The following LMX1B variants were observed in gnomAD, a reference collection of about 807,000 sequenced individuals.
LMX1B encodes the protein LIM homeobox transcription factor 1 beta.
LMX1B carries 12 observed loss-of-function variants against 51.4 expected under a neutral mutation model. That is an observed-to-expected ratio of 0.23 (90% CI 0.15 to 0.38). LMX1B has a LOEUF of 0.38. LMX1B is among the 10% of genes least tolerant of loss of function. LMX1B has a pLI of 1.00. For synonymous variants in LMX1B, 237 were observed against 235.4 expected (o/e 1.01, Z -0.06); for missense variants, 445 against 571.1 (o/e 0.78, Z 2.25).
At chr9:126,617,366 C>T (rs1835322775) in intron 2 of LMX1B, among the ~76,000 whole-genome samples, 1 of 151,854 alleles carries the variant, frequency 6.6e-6, no homozygotes, top group Admixed American at 6.6e-5. Context: ...TAAAACCGGC[C>T]TCCAAATCAT....
intron 2 of LMX1B, among the ~76,000 whole-genome samples, chr9:126,689,990 AT>A (rs1424812040): frequency 6.6e-6 from 1 of 152,084 alleles, no homozygotes; most frequent in Non-Finnish European, 1.5e-5. Flanking sequence ...CGTGATGGAG[AT>A]GCGTAAGCTG....
chr9:126,692,577 C>T (rs548874384), intron 3 of LMX1B, among the ~76,000 whole-genome samples: 2 of 152,332 alleles, frequency 1.3e-5, no homozygotes, highest in South Asian at 2.1e-4. Context: ...GTGAGTTGCA[C>T]GCGTGAGGGC....
intron 2 of LMX1B, among the ~76,000 whole-genome samples, chr9:126,666,622 C>T (rs1048332702): frequency 2.0e-5 from 3 of 152,184 alleles, no homozygotes; most frequent in Admixed American, 6.5e-5. Flanking sequence ...GCTTTACGTA[C>T]GTGCTTTACG....
At position 126,695,469 on chromosome 9, in the gene LMX1B, CG is replaced by C. The variant is rs66878557; in HGVS notation, c.887-365del. Among the ~76,000 whole-genome samples the C allele has an allele frequency of 0.24, 36,353 of 152,090 alleles. 5,237 individuals carry two copies. Among genetic ancestry groups the C allele is most frequent in the Middle Eastern group, 0.39 (114 of 294 alleles). Reference sequence around the variant, plus strand: ...GCTAGTTCTTTAAGTCACATCAGGGCGGGGGCCCTTTCCTCCAGGAAGTCTT... The same window carrying C: ...GCTAGTTCTTTAAGTCACATCAGGGCGGGGCCCTTTCCTCCAGGAAGTCTT... On this transcript the variant is annotated intron_variant, in intron 6 of 7. Coordinates refer to ENST00000373474, the MANE Select transcript of LMX1B (RefSeq NM_001174147.2). This position sits in a 1 kb window ranked among gnomAD's most constrained non-coding sequence, Gnocchi z 5.2.
rs544036735 is a variant in LMX1B at position 126,618,048 on chromosome 9, A to G, written c.326+2479A>G. On this transcript the variant is annotated intron_variant, in intron 2 of 7. Coordinates refer to ENST00000373474, the MANE Select transcript of LMX1B (RefSeq NM_001174147.2). The surrounding 1 kb of genome is among the most constrained non-coding windows in gnomAD (Gnocchi z 4.5). ...TTGCACAATAAAAATTTTTTTATTC[A>G]CATTTCTTTTTTTCTTTGAGAATTG... Among the ~76,000 whole-genome samples the G allele has an allele frequency of 1.5e-4, 23 of 152,274 alleles. No individual in the cohort carries two copies. The highest frequency in any genetic ancestry group is 5.1e-4 in the African/African-American group (21 of 41,558).
chr9:126,676,785 G>T (rs1836572667), intron 2 of LMX1B, among the ~76,000 whole-genome samples: 1 of 152,202 alleles, frequency 6.6e-6, no homozygotes, highest in African/African-American at 2.4e-5. Flanking sequence ...GATCCCCATA[G>T]GGAGGACTTG....
In LMX1B at chr9:126,661,701, G is replaced by A. The variant is rs187064391; in HGVS notation, c.327-29135G>A. On this transcript the variant is annotated intron_variant, in intron 2 of 7. Coordinates refer to ENST00000373474, the MANE Select transcript of LMX1B (RefSeq NM_001174147.2). ...ACCTGCCAGCCTGCAGTGTGGCTGC[G>A]GGGCCCGAGTTGAGCAGGCACCTGA... Among the ~76,000 whole-genome samples, 520 of 152,020 alleles carry A rather than the reference G, an allele frequency of 3.4e-3. 4 individuals carry two copies. Among genetic ancestry groups the A allele is most frequent in the African/African-American group, 0.011 (465 of 41,504 alleles).
At chr9:126,682,595 C>T (rs1329445217) in intron 2 of LMX1B, among the ~76,000 whole-genome samples, 1 of 152,132 alleles carries the variant, frequency 6.6e-6, no homozygotes, top group African/African-American at 2.4e-5. Flanking sequence ...ACATAGTAGA[C>T]GCTAAAGAAA....
intron 2 of LMX1B, among the ~76,000 whole-genome samples, chr9:126,617,092 A>C (rs1292290605): frequency 1.3e-5 from 2 of 152,182 alleles, no homozygotes; most frequent in Non-Finnish European, 2.9e-5. Flanking sequence ...GGAGAGGGAG[A>C]CGCCAGTCCG....
intron 2 of LMX1B, among the ~76,000 whole-genome samples, chr9:126,616,037 G>C (rs1165557444): frequency 1.3e-5 from 2 of 152,224 alleles, no homozygotes; most frequent in Admixed American, 6.5e-5. Context: ...AACGGCCTGA[G>C]CGGCAAGGGA....
intron 2 of LMX1B, among the ~76,000 whole-genome samples, chr9:126,617,972 G>GAGAT (rs1178585931): frequency 1.3e-5 from 2 of 152,104 alleles, no homozygotes; most frequent in African/African-American, 2.4e-5. Flanking sequence ...GTTTCACAGG[G>GAGAT]AGATGGAGCG....
intron 2 of LMX1B, among the ~76,000 whole-genome samples, chr9:126,653,280 G>A (rs55905581): frequency 0.13 from 18,761 of 147,812 alleles, 1,474 homozygotes; most frequent in Middle Eastern, 0.26. Flanking sequence ...AGCTACCCCC[G>A]ATGAGCTGGG....
rs1472831313 is a variant in LMX1B, at chr9:126,614,146, T to A, written c.-304T>A. ...GCCGCCGCCGCCTCCTCCCCGCGGC[T>A]CCGTCTGCAGCAGCCGCCGCCGCCG... is the stretch of plus-strand genomic sequence containing the variant. On this transcript the variant is annotated 5_prime_UTR_variant, in exon 1 of 8. Transcript: ENST00000373474. 1.4e-5 allele frequency among the ~76,000 whole-genome samples: 2 copies of A among 138,200 alleles called. No individual in the cohort carries two copies. Among genetic ancestry groups the A allele is most frequent in the Non-Finnish European group, 3.1e-5 (2 of 63,602 alleles). The allele number at this position is 138,200 out of a possible 152,430, so 90.7% of individuals were successfully genotyped here. A position where few individuals can be genotyped will look rare whatever the true frequency, so the allele number is the denominator to read the frequency against.
In LMX1B at chr9:126,615,131, G is replaced by C. The variant is rs1416602746; in HGVS notation, c.140-252G>C. Among the ~76,000 whole-genome samples, 1 of 152,080 alleles carries C rather than the reference G, an allele frequency of 6.6e-6. No homozygotes were observed. The highest frequency in any genetic ancestry group is 1.5e-5 in the Non-Finnish European group (1 of 67,990). Reference sequence around the variant, plus strand: ...TCTTAACACGGAGCGCGGATTCTCCGGAGAAGGGGAGAGCACAGCGCCGAG... The same window carrying C: ...TCTTAACACGGAGCGCGGATTCTCCCGAGAAGGGGAGAGCACAGCGCCGAG... On this transcript the variant is annotated intron_variant, in intron 1 of 7. Transcript: ENST00000373474. This position sits in a 1 kb window ranked among gnomAD's most constrained non-coding sequence, Gnocchi z 6.0.
intron 2 of LMX1B, among the ~76,000 whole-genome samples, chr9:126,682,540 CTCTT>C (rs1836695221): frequency 6.6e-6 from 1 of 152,214 alleles, no homozygotes; most frequent in East Asian, 1.9e-4. Flanking sequence ...GGGGCTGTCT[CTCTT>C]CTCACTGCTC....
rs1836455559 is a variant in LMX1B at position 126,671,686 on chromosome 9, C to T, written c.327-19150C>T. 6.6e-6 allele frequency among the ~76,000 whole-genome samples: 1 copy of T among 152,102 alleles called. No homozygotes were observed. The highest frequency in any genetic ancestry group is 2.4e-5 in the African/African-American group (1 of 41,428). Reference sequence around the variant, plus strand: ...AGAGGTCAGCGGGCCTGCCCTGTGCCGAGCGGTGGAATTTTTCAATAACCA... The same window carrying T: ...AGAGGTCAGCGGGCCTGCCCTGTGCTGAGCGGTGGAATTTTTCAATAACCA... On this transcript the variant is annotated intron_variant, in intron 2 of 7. Transcript: ENST00000373474. The surrounding 1 kb of genome is among the most constrained non-coding windows in gnomAD (Gnocchi z 4.4).
chr9:126,640,609 C>G (rs1588274434), intron 2 of LMX1B: 1 of 152,576 alleles, frequency 6.6e-6, no homozygotes, highest in East Asian at 1.9e-4. Context: ...CTGTACCCAC[C>G]TGTACCTCTC....
intron 2 of LMX1B, among the ~76,000 whole-genome samples, chr9:126,681,575 C>A (rs572653246): frequency 6.6e-6 from 1 of 152,080 alleles, no homozygotes; most frequent in African/African-American, 2.4e-5. Flanking sequence ...AACCCGGTGC[C>A]CCCCCTACAG....
rs1352360856 is a variant in LMX1B, at chr9:126,695,178, C to T, written c.887-661C>T. 2.6e-5 allele frequency among the ~76,000 whole-genome samples: 4 copies of T among 152,160 alleles called. No homozygotes were observed. The highest frequency in any genetic ancestry group is 5.9e-5 in the Non-Finnish European group (4 of 68,012). ...GGCTTCCTCACCCACTGGCCCCAGC[C>T]TCGGTCTCCTCCTCCAGCCTTTCTC... On this transcript the variant is annotated intron_variant, in intron 6 of 7. Transcript: ENST00000373474. This position sits in a 1 kb window ranked among gnomAD's most constrained non-coding sequence, Gnocchi z 5.2.
Sources: gnomAD v4.1 joint callset for allele counts (sites outside exome capture counted in the v4.1 genomes callset) on GRCh38, gnomAD v4.1.1 for gene constraint, Gnocchi (gnomAD v3.1) non-coding constraint, MANE v1.5 for transcripts, NCBI Gene and HGNC (gene_info 2026-07-23, HGNC 2026-07-21) for gene names.